The following EPM2A variants were observed in gnomAD, a reference collection of about 807,000 sequenced individuals.
The protein encoded by EPM2A is laforin.
A neutral mutation model predicts 26.5 loss-of-function variants in EPM2A; 21 were observed. The observed-to-expected ratio is 0.79, with a 90% CI of 0.56 to 1.14. The LOEUF (loss-of-function observed/expected upper bound fraction) is 1.14, where lower values mean the gene tolerates loss of function less well. EPM2A is among the 50% of genes most tolerant of loss of function. The pLI is 0.00. For synonymous variants in EPM2A, 217 were observed against 177.6 expected (o/e 1.22, Z -1.76); for missense variants, 458 against 440.8 (o/e 1.04, Z -0.35).
At chr6:145,520,927 A>G (rs2114773515) in intron 2 of EPM2A, among the ~76,000 whole-genome samples, 1 of 152,338 alleles carries the variant, frequency 6.6e-6, no homozygotes, top group East Asian at 1.9e-4. Flanking sequence ...CAAGTTCCCT[A>G]AGAGGGGCAA....
At chr6:145,508,657 C>T (rs539128814) in intron 2 of EPM2A, among the ~76,000 whole-genome samples, 6 of 152,106 alleles carry the variant, frequency 3.9e-5, no homozygotes, top group African/African-American at 7.2e-5. Context: ...TGAGAAGGAA[C>T]CAGTATAAGA....
At chr6:145,715,110 A>T (rs1775543130) in intron 1 of EPM2A, among the ~76,000 whole-genome samples, 1 of 152,168 alleles carries the variant, frequency 6.6e-6, no homozygotes, top group Non-Finnish European at 1.5e-5. Flanking sequence ...GTTGTCAAGC[A>T]TTTGTATGAT....
chr6:145,525,724 A>G (rs1021172167), intron 2 of EPM2A, among the ~76,000 whole-genome samples: 3 of 152,052 alleles, frequency 2.0e-5, no homozygotes, highest in Non-Finnish European at 4.4e-5. Context: ...CTAGGTATGG[A>G]ATAATATTTT....
In EPM2A at chr6:145,680,761, T is replaced by C. The variant is rs562610602; in HGVS notation, c.476+5361A>G. On this transcript the variant is annotated intron_variant, in intron 2 of 3. Coordinates refer to ENST00000367519, the MANE Select transcript of EPM2A (RefSeq NM_005670.4). ...GCTGCATAGTATTCCATGGTGCATA[T>C]GTGCCACATTTTCTTAATCCAGTCT... Among the ~76,000 whole-genome samples, 300 of 152,330 alleles carry C rather than the reference T, an allele frequency of 2.0e-3. 1 individual carries two copies. The highest frequency in any genetic ancestry group is 6.8e-3 in the Middle Eastern group (2 of 294).
At chr6:145,550,151 G>C (rs145799403) in intron 2 of EPM2A, among the ~76,000 whole-genome samples, 1 of 152,176 alleles carries the variant, frequency 6.6e-6, no homozygotes, top group Non-Finnish European at 1.5e-5. Context: ...AGCAAATGCA[G>C]GGAGAGACTT....
chr6:145,493,489 T>C (rs1161450598), intron 4 of EPM2A, among the ~76,000 whole-genome samples: 1 of 152,220 alleles, frequency 6.6e-6, no homozygotes, highest in Non-Finnish European at 1.5e-5. Flanking sequence ...TTCTTTCTCT[T>C]GATTGATTGC....
rs530064902 is a variant in EPM2A, at chr6:145,525,309, G to A, written c.341-22734C>T. ...CAGGGTCTTTTTCGGTTCCAAATGA[G>A]TTTTAGAACAGTATTTTCTAATGTT... On this transcript the variant is annotated intron_variant, in intron 2 of 3. Transcript: ENST00000450221. Among the ~76,000 whole-genome samples, 10 of 151,688 alleles carry A rather than the reference G, an allele frequency of 6.6e-5. No homozygotes were observed. In the South Asian group the frequency reaches 1.9e-3, roughly 29 times the overall value.
chr6:145,434,185 T>C (rs1778958827), intron 4 of EPM2A, among the ~76,000 whole-genome samples: 1 of 152,084 alleles, frequency 6.6e-6, no homozygotes, highest in African/African-American at 2.4e-5. Context: ...TAACTGTTGA[T>C]CTTTTGAATA....
At chr6:145,596,655 T>G (rs1029260039) in intron 2 of EPM2A, among the ~76,000 whole-genome samples, 1 of 152,130 alleles carries the variant, frequency 6.6e-6, no homozygotes, top group Non-Finnish European at 1.5e-5. Context: ...TTTCTATTAA[T>G]GGCTTCCTAC....
At chr6:145,720,987 C>A (rs904802740) in intron 1 of EPM2A, 6 of 152,104 alleles carry the variant, frequency 3.9e-5, no homozygotes, top group Non-Finnish European at 7.3e-5. Context: ...CATGGCGAAA[C>A]CCCATTTCTA....
In EPM2A at chr6:145,541,761, T is replaced by A. The variant is rs563534404; in HGVS notation, c.341-39186A>T. Among the ~76,000 whole-genome samples, 6 of 152,236 alleles carry A rather than the reference T, an allele frequency of 3.9e-5. No individual in the cohort carries two copies. The East Asian group carries it at 1.2e-3, about 29-fold the overall frequency. On this transcript the variant is annotated intron_variant, in intron 2 of 3. Transcript: ENST00000450221. ...GAGGCAGATATGAGACAAATTAACA[T>A]GAGTATCTTTAATTTTGATATATTA...
intron 2 of EPM2A, among the ~76,000 whole-genome samples, chr6:145,532,526 G>C (rs441364): frequency 0.48 from 72,417 of 151,938 alleles, 17,274 homozygotes; most frequent in South Asian, 0.61. Context: ...TGATTACCTT[G>C]TAATGGTGTT....
At chr6:145,653,957 T>C (rs889787119) in intron 2 of EPM2A, among the ~76,000 whole-genome samples, 1 of 152,202 alleles carries the variant, frequency 6.6e-6, no homozygotes, top group Non-Finnish European at 1.5e-5. Context: ...ACATGCGGCC[T>C]CCTAGGTGCT....
At chr6:145,671,665 C>G (rs1250089132) in intron 2 of EPM2A, among the ~76,000 whole-genome samples, 1 of 152,158 alleles carries the variant, frequency 6.6e-6, no homozygotes, top group African/African-American at 2.4e-5. Flanking sequence ...AGAACCCTAG[C>G]TCCTTAGTCT....
intron 1 of EPM2A, among the ~76,000 whole-genome samples, chr6:145,691,103 G>A (rs1583063415): frequency 6.6e-6 from 1 of 151,972 alleles, no homozygotes; most frequent in African/African-American, 2.4e-5. Flanking sequence ...AGAAAATAAT[G>A]CCGGAAAACT....
intron 2 of EPM2A, among the ~76,000 whole-genome samples, chr6:145,550,393 C>T (rs967615876): frequency 3.9e-5 from 6 of 151,946 alleles, no homozygotes; most frequent in Non-Finnish European, 7.4e-5. Context: ...TATACCTCAC[C>T]GGGTTTGGGG....
intron 1 of EPM2A, among the ~76,000 whole-genome samples, chr6:145,715,484 C>T (rs996030366): frequency 1.4e-4 from 21 of 152,114 alleles, no homozygotes; most frequent in African/African-American, 2.4e-4. Flanking sequence ...GAAACAACAT[C>T]GAATGAAAGA....
At chr6:145,680,457 T>A (rs969878536) in intron 2 of EPM2A, among the ~76,000 whole-genome samples, 1 of 151,872 alleles carries the variant, frequency 6.6e-6, no homozygotes, top group African/African-American at 2.4e-5. Context: ...TAGTTACATA[T>A]GTATACATGT....
At chr6:145,549,543 T>G (rs1226424232) in intron 2 of EPM2A, among the ~76,000 whole-genome samples, 1 of 152,100 alleles carries the variant, frequency 6.6e-6, no homozygotes, top group Admixed American at 6.6e-5. Context: ...TGACAATAAA[T>G]TGTCACACTT....
Sources: allele counts gnomAD v4.1 joint callset (sites outside exome capture counted in the v4.1 genomes callset), GRCh38; gene constraint gnomAD v4.1.1; transcripts MANE v1.5; gene names NCBI Gene and HGNC (gene_info 2026-07-23, HGNC 2026-07-21).